Variants in NLRP5 observed in about 807,000 individuals in gnomAD.
NLRP5 encodes NLR family pyrin domain containing 5.
Under a neutral mutation model 113.1 loss-of-function variants are expected in NLRP5, and 93 were observed. That is an observed-to-expected ratio of 0.82 (90% confidence interval 0.70 to 0.98). The LOEUF (loss-of-function observed/expected upper bound fraction) is 0.98, where lower values mean the gene tolerates loss of function less well. Ranked by LOEUF, NLRP5 falls within the 50% of genes least tolerant of loss-of-function variation. The probability of loss-of-function intolerance (pLI) is 0.00; values close to 1 mark genes in which losing one functional copy is unlikely to be tolerated. For missense variants in NLRP5, 1,808 were observed against 1,514.3 expected (o/e 1.19, Z -3.22); for synonymous variants, 751 against 600.7 (o/e 1.25, Z -3.66).
At chr19:56,022,703 T>C (rs1982662031) in intron 6 of NLRP5, among the ~76,000 whole-genome samples, 1 of 152,206 alleles carries the variant, frequency 6.6e-6, no homozygotes, top group Non-Finnish European at 1.5e-5. Context: ...GAATATTTTT[T>C]GTTAGAAGTA....
chr19:56,032,518 C>G, intron 7 of NLRP5, 93 bp from the exon 8 acceptor site: 1 of 1,205,728 alleles, frequency 8.3e-7, no homozygotes, highest in Non-Finnish European at 1.2e-6. Context: ...GGTCTCACCT[C>G]GAGAGCTCGG....
intron 9 of NLRP5, among the ~76,000 whole-genome samples, chr19:56,036,276 C>T (rs1305554537): frequency 2.0e-5 from 3 of 151,726 alleles, no homozygotes; most frequent in Admixed American, 2.0e-4. Flanking sequence ...ACCAGGTTAG[C>T]CAGGATGGTC....
At position 56,059,949 on chromosome 19, in the gene NLRP5, G is replaced by C. The variant is rs114398496; in HGVS notation, c.3471-1447G>C. 4.9e-3 allele frequency among the ~76,000 whole-genome samples: 743 copies of C among 152,298 alleles called. 4 individuals are homozygous for C. Among genetic ancestry groups the C allele is most frequent in the African/African-American group, 0.017 (686 of 41,556 alleles). On this transcript the variant is annotated intron_variant, in intron 14 of 14. Transcript: ENST00000390649. ...AGTTATGGCACATGGGTATAACCAG[G>C]AAGAAGTCAAGAGTGGCTGTGGTAG...
intron 13 of NLRP5, among the ~76,000 whole-genome samples, chr19:56,055,537 CTTTTTTTTTT>C (rs1160965587): frequency 2.6e-5 from 2 of 76,458 alleles, no homozygotes; most frequent in Admixed American, 2.0e-4. Flanking sequence ...CTTTCTCTGT[CTTTTTTTTTT>C]TTTTTTTTTT....
rs1983206979 is a variant in NLRP5 at position 56,033,650 on chromosome 19, G to C, written c.2556G>C (p.Glu852Asp). The change falls in exon 9 of 15, where the codon GAG becomes GAC. Residue 852 changes from glutamate to aspartate, a missense_variant. Glu to Asp is a conservative substitution (Grantham distance 45). Coordinates refer to ENST00000390649, the MANE Select transcript of NLRP5 (RefSeq NM_153447.4). ...TGGGAGGCACCCACCTGAAGGAAGAGGATGTAAGGATGGCGTGTGAAGCCT... is the reference window on the plus strand; with the variant it reads ...TGGGAGGCACCCACCTGAAGGAAGACGATGTAAGGATGGCGTGTGAAGCCT... The C allele has an allele frequency of 2.5e-6, 4 of 1,613,960 alleles. No individual in the cohort carries two copies. Among genetic ancestry groups the C allele is most frequent in the Non-Finnish European group, 3.4e-6 (4 of 1,179,846 alleles).
intron 6 of NLRP5, among the ~76,000 whole-genome samples, chr19:56,024,089 C>A (rs1757066099): frequency 6.6e-6 from 1 of 151,906 alleles, no homozygotes; most frequent in Non-Finnish European, 1.5e-5. Flanking sequence ...AAACTAAATG[C>A]ATAAAAGAGT....
chr19:56,000,225 A>G (rs1057155805), intron 1 of NLRP5, among the ~76,000 whole-genome samples: 14 of 150,950 alleles, frequency 9.3e-5, no homozygotes, highest in African/African-American at 2.0e-4. Flanking sequence ...CCACCTCTCC[A>G]CTCTTTTCAA....
At chr19:56,058,710 C>T (rs1984248203) in intron 14 of NLRP5, among the ~76,000 whole-genome samples, 1 of 152,160 alleles carries the variant, frequency 6.6e-6, no homozygotes, top group Non-Finnish European at 1.5e-5. Flanking sequence ...TATGATCCAG[C>T]AATCTTACTT....
At chr19:56,009,714 T>A (rs62120412) in intron 3 of NLRP5, among the ~76,000 whole-genome samples, 1 of 151,920 alleles carries the variant, frequency 6.6e-6, no homozygotes, top group Non-Finnish European at 1.5e-5. Flanking sequence ...TGAATTCTCC[T>A]CTGCTACCTG....
At chr19:56,036,480 G>A (rs1300661305) in intron 9 of NLRP5, among the ~76,000 whole-genome samples, 4 of 152,144 alleles carry the variant, frequency 2.6e-5, no homozygotes, top group South Asian at 2.1e-4. Context: ...AACGACAGAC[G>A]CTTGATTCTG....
intron 13 of NLRP5, among the ~76,000 whole-genome samples, chr19:56,055,092 C>T (rs111772898): frequency 2.8e-3 from 412 of 147,470 alleles, no homozygotes; most frequent in Non-Finnish European, 4.6e-3. Context: ...CTCCGCCTTC[C>T]GAGTTCAAGC....
rs1318488524 is a variant in NLRP5 at position 56,028,501 on chromosome 19, C to T, written c.2268C>T (p.Val756=). Reference sequence around the variant, plus strand: ...AGTCCGCTGAGGCATGTCCTGTGGTCCCTCTATGGTGAGTACCCCAGGCAG... The same window carrying T: ...AGTCCGCTGAGGCATGTCCTGTGGTTCCTCTATGGTGAGTACCCCAGGCAG... Residue 756 remains valine (V), a synonymous_variant, in exon 7 of 15, where the codon GTC becomes GTT. Coordinates refer to ENST00000390649, the MANE Select transcript of NLRP5 (RefSeq NM_153447.4). 5 of 1,612,784 alleles carry T rather than the reference C, an allele frequency of 3.1e-6. No homozygotes were observed. Among genetic ancestry groups the T allele is most frequent in the Admixed American group, 1.7e-5 (1 of 59,954 alleles).
chr19:56,032,957 T>G (rs1332259889), intron 8 of NLRP5, among the ~76,000 whole-genome samples, 176 bp downstream of exon 8: 2 of 151,910 alleles, frequency 1.3e-5, no homozygotes, highest in African/African-American at 4.8e-5. Flanking sequence ...CTAAAGACCT[T>G]GTGATCGGCC....
At chr19:55,987,877 G>C in the NLRP5 span, 1 of 1,613,982 alleles carries the variant, frequency 6.2e-7, no homozygotes, top group South Asian at 1.1e-5. Flanking sequence ...CCGACTTCAC[G>C]GGAAAAAGTG....
intron 9 of NLRP5, among the ~76,000 whole-genome samples, chr19:56,037,236 AAGCTCGTGCCCTTCAGCAAATGCT>A (rs1339375578): frequency 6.6e-6 from 1 of 152,154 alleles, no homozygotes; most frequent in Non-Finnish European, 1.5e-5. Flanking sequence ...GTCATCCCGG[AAGCTCGTGCCCTTCAGCAAATGCT>A]CGAGTGCCCT....
chr19:55,990,491 G>A, the NLRP5 span, among the ~76,000 whole-genome samples: 2 of 152,092 alleles, frequency 1.3e-5, no homozygotes, highest in East Asian at 2.0e-4. Flanking sequence ...AGGGGTTTGA[G>A]ACCAGCCTGA....
intron 10 of NLRP5, among the ~76,000 whole-genome samples, chr19:56,038,853 C>T (rs953421350): frequency 1.3e-5 from 2 of 152,260 alleles, no homozygotes; most frequent in Non-Finnish European, 1.5e-5. Context: ...TTTGTTGTTG[C>T]CCAGGCTGAG....
chr19:56,046,260 C>T (rs1599906812), intron 11 of NLRP5, among the ~76,000 whole-genome samples: 1 of 152,074 alleles, frequency 6.6e-6, no homozygotes, highest in East Asian at 1.9e-4. Flanking sequence ...CATTTATTGA[C>T]TTGTACATGT....
rs185027314 is a variant in NLRP5, at chr19:56,044,868, G to C, written c.2957+3776G>C. Among the ~76,000 whole-genome samples the C allele has an allele frequency of 3.3e-5, 5 of 152,252 alleles. No individual in the cohort carries two copies. In the East Asian group the frequency reaches 7.7e-4, roughly 23 times the overall value. On this transcript the variant is annotated intron_variant, in intron 11 of 14. Coordinates refer to ENST00000390649, the MANE Select transcript of NLRP5 (RefSeq NM_153447.4). ...GGATGTGTGTCCATTTGTTCGTGTC[G>C]TCTGTGATTTCTTTCAGCAATGTTT...
Sources: allele counts gnomAD v4.1 joint callset (sites outside exome capture counted in the v4.1 genomes callset), GRCh38; gene constraint gnomAD v4.1.1; transcripts MANE v1.5; gene names NCBI Gene and HGNC (gene_info 2026-07-23, HGNC 2026-07-21).